The following TRPM3 variants were observed in gnomAD, a reference collection of about 807,000 sequenced individuals.
The protein encoded by TRPM3 is long transient receptor potential channel 3.
A neutral mutation model predicts 181.2 loss-of-function variants in TRPM3; 77 were observed. The ratio of observed to expected loss-of-function variants is 0.42; its 90% CI spans 0.35 to 0.51. The LOEUF (loss-of-function observed/expected upper bound fraction) is 0.51. Among genes scored for constraint, TRPM3 ranks in the 20% least tolerant of loss-of-function variants. The pLI, the probability that TRPM3 is intolerant of heterozygous loss-of-function variation, is 0.01. For synonymous variants in TRPM3, 745 were observed against 796.4 expected, an observed-to-expected ratio of 0.94 and a Z score of 1.09; for missense variants, 1,759 against 2,196.7, an observed-to-expected ratio of 0.80 and a Z score of 3.98.
chr9:70,694,868 T>C (rs1324831824), intron 8 of TRPM3, among the ~76,000 whole-genome samples: 1 of 152,248 alleles, frequency 6.6e-6, no homozygotes, highest in African/African-American at 2.4e-5. Flanking sequence ...CATGGCACCA[T>C]GATCTCTATT....
intron 1 of TRPM3, among the ~76,000 whole-genome samples, chr9:70,912,609 T>C (rs1413651783): frequency 6.6e-6 from 1 of 152,104 alleles, no homozygotes; most frequent in Non-Finnish European, 1.5e-5. Context: ...AAATCAAACA[T>C]ATTTAGGAAA....
intron 1 of TRPM3, among the ~76,000 whole-genome samples, chr9:71,305,431 T>C (rs1362769013): frequency 6.6e-6 from 1 of 152,126 alleles, no homozygotes; most frequent in Non-Finnish European, 1.5e-5. Context: ...ATAGACCTAA[T>C]TTGTGTCAAG....
chr9:70,614,533 G>T (rs902598373), intron 18 of TRPM3, among the ~76,000 whole-genome samples: 1 of 152,086 alleles, frequency 6.6e-6, no homozygotes, highest in Admixed American at 6.6e-5. Context: ...GATAATAATA[G>T]TGCCTATCTT....
chr9:71,157,862 T>C lies in TRPM3; in HGVS notation c.183+288791A>G, dbSNP rs914503886. ...TCAAGTAGCTTAGGAAGAGAAGATA[T>C]AAGCTCAAGAGCACACAGACAGATT... On this transcript the variant is annotated intron_variant, in intron 1 of 24. Coordinates refer to the TRPM3 transcript ENST00000357533. Among the ~76,000 whole-genome samples the C allele has an allele frequency of 7.9e-5, 12 of 151,908 alleles. No homozygotes were observed. In the East Asian group the frequency reaches 1.4e-3, roughly 17 times the overall value.
chr9:71,187,786 G>T (rs919657774), intron 1 of TRPM3, among the ~76,000 whole-genome samples: 4 of 151,858 alleles, frequency 2.6e-5, no homozygotes, highest in South Asian at 2.1e-4. Context: ...AAGAATATAT[G>T]ATCATATATA....
chr9:71,224,435 A>G (rs7037067), intron 1 of TRPM3, among the ~76,000 whole-genome samples: 1,549 of 152,366 alleles, frequency 0.01, 25 homozygotes, highest in African/African-American at 0.035. Context: ...AAGGACAGGT[A>G]CAAACAAGCT....
intron 1 of TRPM3, among the ~76,000 whole-genome samples, chr9:71,323,238 G>C (rs1391865472): frequency 6.6e-6 from 1 of 152,084 alleles, no homozygotes; most frequent in African/African-American, 2.4e-5. Flanking sequence ...AAAAGTCTTT[G>C]AAATGAGTGA....
In TRPM3 at chr9:70,562,620, G is replaced by C. The variant is rs1194925701; in HGVS notation, c.3224-9310C>G. On this transcript the variant is annotated intron_variant, in intron 22 of 25. Transcript: ENST00000677713. ...AGGTATGTTGTGTGTGTGTTGGGCA[G>C]GGGGGAGGTATGGGGGGAAGAGCGT... Among the ~76,000 whole-genome samples the C allele has an allele frequency of 4.0e-5, 6 of 149,848 alleles. No individual in the cohort carries two copies. The South Asian group carries it at 1.3e-3, about 33-fold the overall frequency.
Position 71,106,261 on chromosome 9 carries a change from A to G in TRPM3, c.177+14917T>C, listed in dbSNP as rs113138686. Reference sequence around the variant, plus strand: ...GTAATGCTCATGATATGATTTGGATATTTGTTCCTTCCAAATCTCATGTTG... The same window carrying G: ...GTAATGCTCATGATATGATTTGGATGTTTGTTCCTTCCAAATCTCATGTTG... On this transcript the variant is annotated intron_variant, in intron 1 of 25. Coordinates refer to ENST00000677713, the MANE Select transcript of TRPM3 (RefSeq NM_001366145.2). Among the ~76,000 whole-genome samples, 4 of 152,230 alleles carry G rather than the reference A, an allele frequency of 2.6e-5. 1 individual carries two copies. Among genetic ancestry groups the G allele is most frequent in the African/African-American group, 9.6e-5 (4 of 41,550 alleles).
At chr9:70,605,838 T>G (rs1403606054) in intron 19 of TRPM3, among the ~76,000 whole-genome samples, 2 of 152,260 alleles carry the variant, frequency 1.3e-5, no homozygotes, top group African/African-American at 2.4e-5. Context: ...GGTTTTATCA[T>G]TTTGCCCAAA....
chr9:70,899,580 C>A (rs1370043888), intron 1 of TRPM3, among the ~76,000 whole-genome samples: 1 of 152,008 alleles, frequency 6.6e-6, no homozygotes, highest in African/African-American at 2.4e-5. Context: ...TTCCCTTGAC[C>A]CCTTATGAAT....
intron 25 of TRPM3, among the ~76,000 whole-genome samples, chr9:70,539,798 T>C (rs1303912156): frequency 6.6e-6 from 1 of 152,188 alleles, no homozygotes; most frequent in Non-Finnish European, 1.5e-5. Context: ...TTGCAAGTAC[T>C]GTAGTTAAAT....
intron 1 of TRPM3, among the ~76,000 whole-genome samples, chr9:70,988,506 C>T (rs561838620): frequency 5.3e-5 from 8 of 152,110 alleles, no homozygotes; most frequent in South Asian, 2.1e-4. Context: ...GCTAGGTGAG[C>T]GTCCACTGTA....
chr9:71,403,397 T>G (rs2093378171), intron 1 of TRPM3, among the ~76,000 whole-genome samples: 1 of 152,152 alleles, frequency 6.6e-6, no homozygotes, highest in African/African-American at 2.4e-5. Flanking sequence ...GTTTGTCCAC[T>G]CCAGGTAAGA....
intron 8 of TRPM3, among the ~76,000 whole-genome samples, chr9:70,686,726 C>CTTCCTTCCT: frequency 7.7e-6 from 1 of 129,938 alleles, no homozygotes; most frequent in Non-Finnish European, 1.6e-5. Context: ...TCCTTCCTTC[C>CTTCCTTCCT]TTCCTTCCTT....
At chr9:71,137,921 A>G (rs900533939) in intron 1 of TRPM3, among the ~76,000 whole-genome samples, 2 of 152,232 alleles carry the variant, frequency 1.3e-5, no homozygotes, top group South Asian at 4.1e-4. Flanking sequence ...GTTCAAGATC[A>G]TCCTGGCCAA....
intron 22 of TRPM3, among the ~76,000 whole-genome samples, chr9:70,564,545 T>G (rs556787169): frequency 3.3e-5 from 5 of 152,300 alleles, no homozygotes; most frequent in Admixed American, 1.3e-4. Flanking sequence ...CAGAAGCCCA[T>G]GCATATTTAG....
intron 22 of TRPM3, among the ~76,000 whole-genome samples, chr9:70,556,686 G>T (rs1329897404): frequency 1.3e-5 from 2 of 152,026 alleles, no homozygotes; most frequent in Non-Finnish European, 2.9e-5. Context: ...CGTGTCACTG[G>T]ACTCTAGCCT....
intron 19 of TRPM3, among the ~76,000 whole-genome samples, chr9:70,608,239 C>T (rs534857012): frequency 4.1e-4 from 62 of 152,328 alleles, no homozygotes; most frequent in African/African-American, 1.4e-3. Context: ...ATTCACGAAT[C>T]GTTCATTTGC....
Sources: gnomAD v4.1 joint callset for allele counts (sites outside exome capture counted in the v4.1 genomes callset) on GRCh38, gnomAD v4.1.1 for gene constraint, MANE v1.5 for transcripts, NCBI Gene and HGNC (gene_info 2026-07-23, HGNC 2026-07-21) for gene names.